Variants in PARN observed in about 807,000 individuals in gnomAD.
PARN encodes the protein poly(A)-specific ribonuclease PARN.
Under a neutral mutation model 102.8 loss-of-function variants are expected in PARN, and 71 were observed. The observed-to-expected ratio is 0.69, with a 90% confidence interval of 0.57 to 0.84. The LOEUF is 0.84. PARN is among the 40% of genes least tolerant of loss of function. The probability of loss-of-function intolerance (pLI) is 0.00; values close to 1 mark genes in which losing one functional copy is unlikely to be tolerated. For missense variants in PARN, 782 were observed against 760.9 expected, an observed-to-expected ratio of 1.03 and a Z score of -0.33; for synonymous variants, 261 against 252.9, an observed-to-expected ratio of 1.03 and a Z score of -0.30.
intron 7 of PARN, among the ~76,000 whole-genome samples, chr16:14,610,269 T>G (rs1425787698): frequency 6.6e-6 from 1 of 152,134 alleles, no homozygotes; most frequent in Non-Finnish European, 1.5e-5. Flanking sequence ...GGCCAGGAGT[T>G]CGAGACCAGC....
intron 22 of PARN, among the ~76,000 whole-genome samples, chr16:14,454,016 T>C (rs947552745): frequency 2.0e-5 from 3 of 152,240 alleles, no homozygotes; most frequent in Admixed American, 6.5e-5. Context: ...AAACTATTTA[T>C]TGGCCATTTG....
At chr16:14,563,371 C>T (rs1025988441) in intron 18 of PARN, among the ~76,000 whole-genome samples, 4 of 151,996 alleles carry the variant, frequency 2.6e-5, no homozygotes, top group Non-Finnish European at 4.4e-5. Context: ...AGAGCTCCAG[C>T]CACGAAGGAA....
At chr16:14,557,557 C>CAAAAAAAAAAAAAAAA (rs751028710) in intron 18 of PARN, among the ~76,000 whole-genome samples, 1 of 36,504 alleles carries the variant, frequency 2.7e-5, no homozygotes, top group Non-Finnish European at 5.9e-5. Context: ...AACTCTGCCT[C>CAAAAAAAAAAAAAAAA]AAAAAAAAAA....
At chr16:14,509,699 T>C (rs1965082837) in intron 21 of PARN, among the ~76,000 whole-genome samples, 1 of 152,196 alleles carries the variant, frequency 6.6e-6, no homozygotes, top group South Asian at 2.1e-4. Flanking sequence ...TATTTACATA[T>C]TAACTGCACT....
intron 18 of PARN, among the ~76,000 whole-genome samples, chr16:14,561,015 G>C (rs1050093586): frequency 6.6e-6 from 1 of 152,088 alleles, no homozygotes; most frequent in African/African-American, 2.4e-5. Flanking sequence ...AAATTAGCTG[G>C]GTATGGTGGC....
chr16:14,621,806 CAAA>C (rs1346479153), intron 5 of PARN, among the ~76,000 whole-genome samples: 2 of 58,314 alleles, frequency 3.4e-5, no homozygotes, highest in Non-Finnish European at 3.6e-5. Context: ...GGCTTCGTCT[CAAA>C]AAAAAAAAAA....
intron 21 of PARN, among the ~76,000 whole-genome samples, chr16:14,529,550 C>T (rs1265240345): frequency 6.6e-6 from 1 of 152,178 alleles, no homozygotes; most frequent in African/African-American, 2.4e-5. Context: ...TTGAAGCCCA[C>T]TGCGCCCTAT....
intron 21 of PARN, among the ~76,000 whole-genome samples, chr16:14,501,095 T>C (rs1964560798): frequency 6.6e-6 from 1 of 151,812 alleles, no homozygotes; most frequent in South Asian, 2.1e-4. Context: ...GAGGACATGA[T>C]ATGGAAGTCA....
intron 21 of PARN, among the ~76,000 whole-genome samples, chr16:14,502,382 G>A (rs1964669844): frequency 6.6e-6 from 1 of 152,176 alleles, no homozygotes; most frequent in Admixed American, 6.5e-5. Context: ...AGAGGAAGAC[G>A]ATGGCTTGCA....
chr16:14,549,680 T>C (rs904171221), intron 21 of PARN, among the ~76,000 whole-genome samples: 3 of 152,222 alleles, frequency 2.0e-5, no homozygotes, highest in South Asian at 2.1e-4. Flanking sequence ...TTCAAATAAA[T>C]GCTACTAACT....
At chr16:14,494,599 C>T (rs929122311) in intron 21 of PARN, among the ~76,000 whole-genome samples, 1 of 152,166 alleles carries the variant, frequency 6.6e-6, no homozygotes, top group African/African-American at 2.4e-5. Flanking sequence ...GGATGAATGA[C>T]CGTAATAGTG....
chr16:14,540,549 T>C (rs1966798875), intron 21 of PARN, among the ~76,000 whole-genome samples: 1 of 152,192 alleles, frequency 6.6e-6, no homozygotes, highest in Non-Finnish European at 1.5e-5. Context: ...GGCATGCTTT[T>C]TGATGCATTT....
At chr16:14,510,883 A>T (rs1965151206) in intron 21 of PARN, among the ~76,000 whole-genome samples, 1 of 152,262 alleles carries the variant, frequency 6.6e-6, no homozygotes, top group Admixed American at 6.5e-5. Context: ...GGAAGAAAAG[A>T]CATCTATAAA....
rs1209352170 is a variant in PARN, at chr16:14,613,024, T to C, written c.389-2215A>G. 6.9e-5 allele frequency among the ~76,000 whole-genome samples: 10 copies of C among 145,596 alleles called. No individual in the cohort carries two copies. The South Asian group carries it at 1.7e-3, about 25-fold the overall frequency. ...GGGACACGGGTGGTATTAAAATCCA[T>C]GGGGACGGGGCGCGGTGGCTCACGC... On this transcript the variant is annotated intron_variant, in intron 6 of 23. Coordinates refer to ENST00000437198, the MANE Select transcript of PARN (RefSeq NM_002582.4).
chr16:14,471,391 A>G lies in PARN; in HGVS notation c.1670+11247T>C, dbSNP rs560726317. Among the ~76,000 whole-genome samples the G allele has an allele frequency of 5.4e-4, 82 of 152,258 alleles. 1 individual carries two copies. The highest frequency in any genetic ancestry group is 6.8e-3 in the Middle Eastern group (2 of 294). ...AATTATCAATAATTCATAATTCTCTATTTACATTTTTTAAGTATTCTAGGT... is the reference window on the plus strand; with the variant it reads ...AATTATCAATAATTCATAATTCTCTGTTTACATTTTTTAAGTATTCTAGGT... On this transcript the variant is annotated intron_variant, in intron 22 of 23. Transcript: ENST00000437198.
At chr16:14,453,388 T>C (rs1961549487) in intron 22 of PARN, among the ~76,000 whole-genome samples, 1 of 152,210 alleles carries the variant, frequency 6.6e-6, no homozygotes, top group Non-Finnish European at 1.5e-5. Context: ...ACAAATACCT[T>C]TTTCCATGAA....
intron 21 of PARN, among the ~76,000 whole-genome samples, chr16:14,492,964 G>A (rs12446481): frequency 0.23 from 34,329 of 151,996 alleles, 4,048 homozygotes; most frequent in Middle Eastern, 0.28. Flanking sequence ...GAGACACAGT[G>A]GGTGCTTAAT....
intron 18 of PARN, chr16:14,558,408 G>A (rs1451385868): frequency 6.6e-6 from 1 of 152,110 alleles, no homozygotes; most frequent in Admixed American, 6.5e-5. Context: ...CGAGACAGGA[G>A]AATCACTTGA....
intron 22 of PARN, among the ~76,000 whole-genome samples, chr16:14,478,133 T>C (rs561731641): frequency 3.4e-4 from 52 of 152,068 alleles, no homozygotes; most frequent in Non-Finnish European, 6.5e-4. Flanking sequence ...CTGAGTAACA[T>C]AGTGAGACTC....
Sources: allele counts gnomAD v4.1 joint callset (sites outside exome capture counted in the v4.1 genomes callset), GRCh38; gene constraint gnomAD v4.1.1; transcripts MANE v1.5; gene names NCBI Gene and HGNC (gene_info 2026-07-23, HGNC 2026-07-21).